HAL: variants seen among roughly 807,000 people sequenced by gnomAD.
The protein encoded by HAL is histidine ammonia-lyase.
Under a neutral mutation model 81.1 loss-of-function variants are expected in HAL, and 85 were observed. That is an observed-to-expected ratio of 1.05 (90% CI 0.88 to 1.25). The LOEUF is 1.25. Ranked by LOEUF, HAL falls within the 50% of genes most tolerant of loss-of-function variation. The probability of loss-of-function intolerance (pLI) is 0.00; values close to 1 mark genes in which losing one functional copy is unlikely to be tolerated. For missense variants in HAL, 798 were observed against 836.6 expected (o/e 0.95, Z 0.57); for synonymous variants, 301 against 309.2 (o/e 0.97, Z 0.28).
chr12:95,992,266 A>G (rs1949979110), intron 9 of HAL, among the ~76,000 whole-genome samples: 1 of 152,202 alleles, frequency 6.6e-6, no homozygotes, highest in Admixed American at 6.5e-5. Context: ...CACCTGGGGG[A>G]CATTACGATT....
chr12:95,986,990 T>G, intron 12 of HAL, 77 bp downstream of exon 12: 1 of 1,237,682 alleles, frequency 8.1e-7, no homozygotes, highest in Non-Finnish European at 1.2e-6. Flanking sequence ...ACCACTTCTG[T>G]GTCTAAAGAT....
In HAL at chr12:95,980,785, T is replaced by C. The variant is rs6538694; in HGVS notation, c.1353+13A>G. ...TGTGCCTTCTGGGTCAGGAGCAGTT[T>C]TAAAAAGCTTACTTTGGCTGGGTAT... On this transcript the variant is annotated intron_variant, in intron 16 of 20. Transcript: ENST00000261208. 0.8 allele frequency: 1,277,213 copies of C among 1,593,024 alleles called. 514,318 individuals carry two copies. Among genetic ancestry groups the C allele is most frequent in the East Asian group, 0.96 (42,800 of 44,754 alleles).
At chr12:95,987,004 A>G in intron 12 of HAL, 63 bp downstream of exon 12, 2 of 1,421,424 alleles carry the variant, frequency 1.4e-6, no homozygotes, top group Non-Finnish European at 2.0e-6. Context: ...TAAAGATCTC[A>G]GCCACCCCGC....
At chr12:95,978,375 G>A (rs533024348) in intron 17 of HAL, among the ~76,000 whole-genome samples, 1 of 152,282 alleles carries the variant, frequency 6.6e-6, no homozygotes, top group Admixed American at 6.5e-5. Flanking sequence ...GCATGCCAGG[G>A]AGACTAGGGG....
In HAL at chr12:95,978,092, G is replaced by C. The variant is rs1310902142; in HGVS notation, c.1520-14C>G. On this transcript the variant is annotated splice_polypyrimidine_tract_variant and intron_variant, in intron 17 of 20. Coordinates refer to ENST00000261208, the MANE Select transcript of HAL (RefSeq NM_002108.4). Reference sequence around the variant, plus strand: ...TGTTCTCAGAAACTGCAAGAGACCAGTGCCAGTTAAGAAGTGCTCCTCACA... The same window carrying C: ...TGTTCTCAGAAACTGCAAGAGACCACTGCCAGTTAAGAAGTGCTCCTCACA... The C allele has an allele frequency of 1.2e-6, 2 of 1,612,050 alleles. No homozygotes were observed. Among genetic ancestry groups the C allele is most frequent in the East Asian group, 2.2e-5 (1 of 44,886 alleles).
chr12:95,988,534 TAGC>T, intron 10 of HAL, among the ~76,000 whole-genome samples: 1 of 152,194 alleles, frequency 6.6e-6, no homozygotes, highest in African/African-American at 2.4e-5. Context: ...GTTTCTACCT[TAGC>T]AGTTCACCTT....
At position 95,990,543 on chromosome 12, in the gene HAL, A is replaced by T; in HGVS notation, c.716-11T>A. ...AGGGCAGGCAGGAGGCTGGGAGAGAAGTAGGCAGCAATTAGTTCAAGAGTA... is the reference window on the plus strand; with the variant it reads ...AGGGCAGGCAGGAGGCTGGGAGAGATGTAGGCAGCAATTAGTTCAAGAGTA... On this transcript the variant is annotated splice_polypyrimidine_tract_variant and intron_variant, in intron 9 of 20. Transcript: ENST00000261208. The T allele has an allele frequency of 6.2e-7, 1 of 1,612,454 alleles. No individual in the cohort carries two copies. Among genetic ancestry groups the T allele is most frequent in the Non-Finnish European group, 8.5e-7 (1 of 1,178,626 alleles).
At chr12:95,993,677 G>A (rs747063212) in intron 7 of HAL, 95 bp downstream of exon 7, 2 of 894,840 alleles carry the variant, frequency 2.2e-6, no homozygotes, top group Non-Finnish European at 3.7e-6. Flanking sequence ...CCTCTGATCT[G>A]TAAATTGGGG....
chr12:95,992,398 AATG>A (rs939304381), intron 9 of HAL, among the ~76,000 whole-genome samples: 3 of 152,332 alleles, frequency 2.0e-5, no homozygotes, highest in African/African-American at 7.2e-5. Flanking sequence ...GGCAGGCTTG[AATG>A]TAAGGGCAGA....
chr12:95,978,364 A>G (rs2080749956), intron 17 of HAL, among the ~76,000 whole-genome samples: 1 of 152,164 alleles, frequency 6.6e-6, no homozygotes, highest in Non-Finnish European at 1.5e-5. Flanking sequence ...GGAAGCATAT[A>G]GCATGCCAGG....
At chr12:95,985,885 C>CT (rs759405336) in intron 14 of HAL, 23 bp downstream of exon 14, 80,099 of 1,022,646 alleles carry the variant, frequency 0.078, 135 homozygotes, top group African/African-American at 0.11. Context: ...TTTTATTGAC[C>CT]TTTTTTTTTT....
intron 18 of HAL, 97 bp from the exon 19 acceptor site, chr12:95,976,803 TAACA>T (rs1462226921): frequency 2.6e-6 from 2 of 766,180 alleles, no homozygotes; most frequent in East Asian, 2.6e-5. Context: ...ACCACCCAAC[TAACA>T]GATGGTTTGT....
chr12:95,978,970 C>A (rs998982549), intron 17 of HAL, among the ~76,000 whole-genome samples: 1 of 152,176 alleles, frequency 6.6e-6, no homozygotes, highest in Non-Finnish European at 1.5e-5. Context: ...TGGCCAAGGA[C>A]TTTCCAGGTT....
Position 95,996,212 on chromosome 12 carries a change from T to G in HAL, c.-216A>C, listed in dbSNP as rs118085647. On this transcript the variant is annotated 5_prime_UTR_variant, in exon 1 of 21. Coordinates refer to ENST00000261208, the MANE Select transcript of HAL (RefSeq NM_002108.4). ...TCTCCCACCCTGGGAGGTGCTGTTCTTGTCCCTGATGGCACCTACCTGCTG... is the reference window on the plus strand; with the variant it reads ...TCTCCCACCCTGGGAGGTGCTGTTCGTGTCCCTGATGGCACCTACCTGCTG... 0.033 allele frequency: 13,363 copies of G among 404,796 alleles called. 359 individuals are homozygous for G. The highest frequency in any genetic ancestry group is 0.045 in the Admixed American group (1,216 of 26,738). 25.1% of individuals were successfully genotyped at this position (404,796 alleles called of 1,614,324 possible).
chr12:95,994,681 C>T, intron 4 of HAL, 117 bp downstream of exon 4: 1 of 1,044,022 alleles, frequency 9.6e-7, no homozygotes, highest in Non-Finnish European at 1.5e-6. Flanking sequence ...TGAGTCACTG[C>T]TCCCGGCCAG....
In HAL at chr12:95,983,158, C is replaced by G. The variant is rs139810589; in HGVS notation, c.1287+753G>C. ...ATCCCGGCACTTTGGGAGGCCGAGG[C>G]AGGTGGATCACTTGAGGTCAGGAGT... is the stretch of plus-strand genomic sequence containing the variant. On this transcript the variant is annotated intron_variant, in intron 15 of 20. Coordinates refer to ENST00000261208, the MANE Select transcript of HAL (RefSeq NM_002108.4). Among the ~76,000 whole-genome samples, 425 of 152,304 alleles carry G rather than the reference C, an allele frequency of 2.8e-3. 2 individuals are homozygous for G. Among genetic ancestry groups the G allele is most frequent in the African/African-American group, 8.3e-3 (344 of 41,564 alleles).
At chr12:95,996,029 T>C (rs1950032418) in intron 1 of HAL, 38 bp from the exon 2 acceptor site, 9 of 953,898 alleles carry the variant, frequency 9.4e-6, no homozygotes, top group Non-Finnish European at 1.5e-5. Context: ...CCACTCCCCC[T>C]CCTTCACCTT....
intron 20 of HAL, among the ~76,000 whole-genome samples, chr12:95,974,905 A>T (rs935653445): frequency 5.9e-5 from 9 of 151,934 alleles, no homozygotes; most frequent in African/African-American, 2.2e-4. Context: ...AGGCCCAGCT[A>T]ATTTTTGTAT....
rs1028486978 is a variant in HAL at position 95,996,091 on chromosome 12, G to C, written c.-95C>G. ...TTATTGAGGTACCTGCTGTCCCTTTGGTTTTTGTAGCCGAGCAGGGGCAGG... is the reference window on the plus strand; with the variant it reads ...TTATTGAGGTACCTGCTGTCCCTTTCGTTTTTGTAGCCGAGCAGGGGCAGG... On this transcript the variant is annotated 5_prime_UTR_variant, in exon 1 of 21. Transcript: ENST00000261208. 8 of 669,544 alleles carry C rather than the reference G, an allele frequency of 1.2e-5. No individual in the cohort carries two copies. Among genetic ancestry groups the C allele is most frequent in the Middle Eastern group, 4.0e-4 (1 of 2,490 alleles). 41.5% of individuals were successfully genotyped at this position (669,544 alleles called of 1,614,324 possible). A position where few individuals can be genotyped will look rare whatever the true frequency, so the allele number is the denominator to read the frequency against.
Sources: allele counts gnomAD v4.1 joint callset (sites outside exome capture counted in the v4.1 genomes callset), GRCh38; gene constraint gnomAD v4.1.1; transcripts MANE v1.5; gene names NCBI Gene and HGNC (gene_info 2026-07-23, HGNC 2026-07-21).